INPP5D: variants seen among roughly 807,000 people sequenced by gnomAD.
INPP5D encodes inositol polyphosphate-5-phosphatase D, also known as phosphatidylinositol 3,4,5-trisphosphate 5-phosphatase 1.
INPP5D carries 33 observed loss-of-function variants against 122.9 expected under a neutral mutation model. That is an observed-to-expected ratio of 0.27 (90% CI 0.20 to 0.36). The LOEUF is 0.36. INPP5D is among the 10% of genes least tolerant of loss of function. The pLI, the probability that INPP5D is intolerant of heterozygous loss-of-function variation, is 1.00. For synonymous variants in INPP5D, 584 were observed against 576.2 expected (o/e 1.01, Z -0.19); for missense variants, 1,053 against 1,412.7 (o/e 0.75, Z 4.08).
intron 3 of INPP5D, among the ~76,000 whole-genome samples, chr2:233,124,872 C>T (rs72984297): frequency 0.038 from 5,843 of 152,354 alleles, 151 homozygotes; most frequent in African/African-American, 0.075. Flanking sequence ...ATGAGGCCCG[C>T]GCAGTCCAAG....
At chr2:233,157,843 G>A (rs573672137) in intron 9 of INPP5D, among the ~76,000 whole-genome samples, 51 of 151,800 alleles carry the variant, frequency 3.4e-4, no homozygotes, top group South Asian at 1.3e-3. Flanking sequence ...TTGAAGAGAG[G>A]TTGGGTTGTG....
chr2:233,106,533 C>T (rs1047120725), intron 2 of INPP5D, among the ~76,000 whole-genome samples: 2 of 152,236 alleles, frequency 1.3e-5, no homozygotes, highest in East Asian at 1.9e-4. Flanking sequence ...AGATTCATCA[C>T]GCTCTAGTGC....
At chr2:233,094,935 A>G (rs1692097047) in intron 2 of INPP5D, among the ~76,000 whole-genome samples, 1 of 152,222 alleles carries the variant, frequency 6.6e-6, no homozygotes, top group Non-Finnish European at 1.5e-5. Context: ...TTTGTCCAAC[A>G]AGTCACATGG....
chr2:233,133,209 A>G (rs1270211692), intron 5 of INPP5D, among the ~76,000 whole-genome samples: 1 of 152,204 alleles, frequency 6.6e-6, no homozygotes, highest in Non-Finnish European at 1.5e-5. Context: ...CTGCAATTAC[A>G]GCATGAGCCA....
chr2:233,068,102 A>G (rs1172398653), intron 1 of INPP5D, among the ~76,000 whole-genome samples: 4 of 152,062 alleles, frequency 2.6e-5, no homozygotes, highest in African/African-American at 2.4e-5. Flanking sequence ...CATGACCAAC[A>G]TGGAGAAACC....
At chr2:233,083,090 C>T (rs1691733626) in intron 2 of INPP5D, among the ~76,000 whole-genome samples, 1 of 152,260 alleles carries the variant, frequency 6.6e-6, no homozygotes, top group Admixed American at 6.5e-5. Flanking sequence ...TGAAAGCAGA[C>T]TCCATTCCCG....
intron 6 of INPP5D, chr2:233,141,133 G>C (rs1469231680): frequency 9.2e-5 from 14 of 152,296 alleles, no homozygotes; most frequent in Admixed American, 7.2e-4. Context: ...GTTGGGAATG[G>C]AAATGGGTTT....
intron 2 of INPP5D, among the ~76,000 whole-genome samples, chr2:233,112,815 G>A (rs11903887): frequency 0.15 from 22,344 of 151,978 alleles, 3,418 homozygotes; most frequent in African/African-American, 0.39. Flanking sequence ...GAAATTACAG[G>A]CCTGGCTCAT....
Position 233,100,293 on chromosome 2 carries a change from A to G in INPP5D, c.198+20895A>G. ...CTATGATATTCATCAGACGCAACTA[A>G]TTACCCAACTTGTGAGGCCAGCAAC... On this transcript the variant is annotated intron_variant, in intron 2 of 26. Coordinates refer to ENST00000445964, the MANE Select transcript of INPP5D (RefSeq NM_001017915.3). This position sits in a 1 kb window ranked among gnomAD's most constrained non-coding sequence, Gnocchi z 5.3. 6.6e-6 allele frequency among the ~76,000 whole-genome samples: 1 copy of G among 152,140 alleles called. No homozygotes were observed. Among genetic ancestry groups the G allele is most frequent in the Non-Finnish European group, 1.5e-5 (1 of 68,024 alleles).
chr2:233,062,598 G>A (rs1574694523), intron 1 of INPP5D, among the ~76,000 whole-genome samples: 1 of 152,188 alleles, frequency 6.6e-6, no homozygotes, highest in Non-Finnish European at 1.5e-5. Flanking sequence ...TCCTTAGAGA[G>A]GGACCTGTGG....
intron 5 of INPP5D, chr2:233,133,840 A>G (rs1441049939): frequency 1.0e-5 from 4 of 401,246 alleles, no homozygotes; most frequent in Non-Finnish European, 2.0e-5. Context: ...GTGAGACAGG[A>G]TGGCAGTCCA....
Position 233,139,942 on chromosome 2 carries a change from G to A in INPP5D, c.753+13G>A. 5.0e-6 allele frequency: 2 copies of A among 398,502 alleles called. No individual in the cohort carries two copies. The highest frequency in any genetic ancestry group is 3.6e-5 in the East Asian group (1 of 28,060). 24.7% of individuals were successfully genotyped at this position (398,502 alleles called of 1,614,324 possible). A position where few individuals can be genotyped will look rare whatever the true frequency, so the allele number is the denominator to read the frequency against. On this transcript the variant is annotated intron_variant, in intron 6 of 26. Transcript: ENST00000445964. The stretch of plus-strand genomic sequence containing the variant: ...TCCACGTCCTCAGGTAAAGGGTCTT[G>A]GGGTTGAAAAGGTGAGATTAATACC...
At chr2:233,094,636 G>A (rs56235773) in intron 2 of INPP5D, among the ~76,000 whole-genome samples, 1 of 150,210 alleles carries the variant, frequency 6.7e-6, no homozygotes, top group African/African-American at 2.5e-5. Context: ...TTGCTGCTCA[G>A]AGTCTGGTCC....
Position 233,183,838 on chromosome 2 carries a change from T to C in INPP5D, c.2162-570T>C, listed in dbSNP as rs994868748. On this transcript the variant is annotated intron_variant, in intron 19 of 26. Coordinates refer to ENST00000445964, the MANE Select transcript of INPP5D (RefSeq NM_001017915.3). The surrounding 1 kb of genome is among the most constrained non-coding windows in gnomAD (Gnocchi z 4.6). ...TCCGAACAAGTCTCTGTTCTGTGGCTCAAAATTTCTATGAAAGGACAGAAC... is the reference window on the plus strand; with the variant it reads ...TCCGAACAAGTCTCTGTTCTGTGGCCCAAAATTTCTATGAAAGGACAGAAC... Among the ~76,000 whole-genome samples the C allele has an allele frequency of 2.6e-5, 4 of 152,216 alleles. No homozygotes were observed. The highest frequency in any genetic ancestry group is 9.7e-5 in the African/African-American group (4 of 41,450).
Position 233,172,504 on chromosome 2 carries a change from G to A in INPP5D, c.1989+1352G>A, listed in dbSNP as rs149356204. Among the ~76,000 whole-genome samples, 38 of 152,158 alleles carry A rather than the reference G, an allele frequency of 2.5e-4. No individual in the cohort carries two copies. The East Asian group carries it at 7.1e-3, about 29-fold the overall frequency. On this transcript the variant is annotated intron_variant, in intron 17 of 26. Transcript: ENST00000445964. ...AAAAACAGTGAAAATGAAAGAAAGG[G>A]GGAAATCAGGATATATTGCGAGACC...
In INPP5D at chr2:233,078,735, T is replaced by G. The variant is rs1415574725; in HGVS notation, c.135-600T>G. ...GTCTCACTCTGTCGCCAGGCTGGAG[T>G]GAAGTGGCACATTCTCGGCTCACTG... is the stretch of plus-strand genomic sequence containing the variant. On this transcript the variant is annotated intron_variant, in intron 1 of 26. Coordinates refer to ENST00000445964, the MANE Select transcript of INPP5D (RefSeq NM_001017915.3). The surrounding 1 kb of genome is among the most constrained non-coding windows in gnomAD (Gnocchi z 4.6). Among the ~76,000 whole-genome samples the G allele has an allele frequency of 6.6e-6, 1 of 152,082 alleles. No individual in the cohort carries two copies. Among genetic ancestry groups the G allele is most frequent in the African/African-American group, 2.4e-5 (1 of 41,380 alleles).
intron 2 of INPP5D, among the ~76,000 whole-genome samples, chr2:233,121,196 A>C (rs1436013184): frequency 7.6e-6 from 1 of 132,346 alleles, no homozygotes; most frequent in Non-Finnish European, 1.5e-5. Flanking sequence ...CAGTGGTGTG[A>C]TCTTGGTTCA....
intron 1 of INPP5D, among the ~76,000 whole-genome samples, chr2:233,077,585 G>T (rs1691555169): frequency 6.6e-6 from 1 of 151,136 alleles, no homozygotes; most frequent in East Asian, 1.9e-4. Flanking sequence ...CTTGAACCTG[G>T]GAGGCAGAGT....
At chr2:233,182,555 G>T in intron 19 of INPP5D, 56 bp downstream of exon 19, 2 of 1,603,406 alleles carry the variant, frequency 1.2e-6, no homozygotes, top group Non-Finnish European at 1.7e-6. Flanking sequence ...GGAGTGTTGG[G>T]AGCTTGTCTT....
Sources: allele counts gnomAD v4.1 joint callset (sites outside exome capture counted in the v4.1 genomes callset), GRCh38; gene constraint gnomAD v4.1.1; non-coding constraint Gnocchi (gnomAD v3.1); transcripts MANE v1.5; gene names NCBI Gene and HGNC (gene_info 2026-07-23, HGNC 2026-07-21).